PPP6R3: variants seen among roughly 807,000 people sequenced by gnomAD.
PPP6R3 encodes the protein serine/threonine-protein phosphatase 6 regulatory subunit 3.
A neutral mutation model predicts 110.7 loss-of-function variants in PPP6R3; 38 were observed. That is an observed-to-expected ratio of 0.34 (90% CI 0.26 to 0.45). The LOEUF (loss-of-function observed/expected upper bound fraction) is 0.45. Among genes scored for constraint, PPP6R3 ranks in the 20% least tolerant of loss-of-function variants. The pLI, the probability that PPP6R3 is intolerant of heterozygous loss-of-function variation, is 1.00. For missense variants in PPP6R3, 870 were observed against 1,062.4 expected (o/e 0.82, Z 2.52); for synonymous variants, 369 against 373.5 (o/e 0.99, Z 0.14).
intron 22 of PPP6R3, among the ~76,000 whole-genome samples, chr11:68,607,859 C>G (rs1371701862): frequency 6.6e-6 from 1 of 151,830 alleles, no homozygotes; most frequent in African/African-American, 2.4e-5. Flanking sequence ...CTGTAACTTC[C>G]AACTCCTGAG....
chr11:68,472,216 G>A (rs141368483), intron 1 of PPP6R3, among the ~76,000 whole-genome samples: 42 of 152,268 alleles, frequency 2.8e-4, no homozygotes, highest in Middle Eastern at 6.8e-3. Flanking sequence ...TTGGTGGGAC[G>A]TGGTGGTAAA....
chr11:68,553,011 T>C (rs1361616891), intron 6 of PPP6R3, among the ~76,000 whole-genome samples: 2 of 152,256 alleles, frequency 1.3e-5, no homozygotes, highest in Admixed American at 1.3e-4. Flanking sequence ...GTTAAAATTA[T>C]ACTGGCCAGT....
intron 1 of PPP6R3, among the ~76,000 whole-genome samples, chr11:68,469,540 ATT>A (rs376996871): frequency 9.2e-5 from 13 of 141,110 alleles, no homozygotes; most frequent in South Asian, 2.3e-4. Context: ...CACCCAGGTA[ATT>A]TTTTTTTTTT....
At chr11:68,487,439 A>ATG (rs2098955083) in intron 1 of PPP6R3, among the ~76,000 whole-genome samples, 2 of 152,046 alleles carry the variant, frequency 1.3e-5, no homozygotes, top group Non-Finnish European at 2.9e-5. Flanking sequence ...GCATGGTGGC[A>ATG]CATGCCTGTA....
intron 14 of PPP6R3, among the ~76,000 whole-genome samples, chr11:68,578,503 C>T (rs1349183328): frequency 1.3e-5 from 2 of 152,242 alleles, no homozygotes; most frequent in African/African-American, 4.8e-5. Flanking sequence ...GGCTACCTCT[C>T]TGGAAGTCAT....
chr11:68,514,312 C>T (rs1413992930), intron 1 of PPP6R3, among the ~76,000 whole-genome samples: 2 of 152,106 alleles, frequency 1.3e-5, no homozygotes, highest in Admixed American at 1.3e-4. Context: ...AGCATTCCAC[C>T]CGTCAGAGCC....
At chr11:68,534,301 G>C (rs2099257997) in intron 2 of PPP6R3, among the ~76,000 whole-genome samples, 1 of 152,210 alleles carries the variant, frequency 6.6e-6, no homozygotes, top group Non-Finnish European at 1.5e-5. Context: ...TTCTGCAAAA[G>C]ACCAAGTAGT....
intron 1 of PPP6R3, among the ~76,000 whole-genome samples, chr11:68,472,778 A>G (rs1032045565): frequency 9.2e-5 from 14 of 152,178 alleles, no homozygotes; most frequent in Non-Finnish European, 1.8e-4. Flanking sequence ...CTCAACGACA[A>G]CAAAACCACC....
chr11:68,613,574 CCGA>C lies in PPP6R3; in HGVS notation c.*459_*461del, dbSNP rs1411167180. On this transcript the variant is annotated 3_prime_UTR_variant, in exon 24 of 24. Transcript: ENST00000393800. The stretch of plus-strand genomic sequence containing the variant: ...ATTATGAATTCATTTTTCCTCCAGG[CCGA>C]CAAGGAGTTGTAGAATGAAAATGCC... 3 of 985,890 alleles carry C rather than the reference CCGA, an allele frequency of 3.0e-6. No homozygotes were observed. Among genetic ancestry groups the C allele is most frequent in the Admixed American group, 6.1e-5 (1 of 16,262 alleles). 61.1% of individuals were successfully genotyped at this position (985,890 alleles called of 1,614,324 possible).
chr11:68,547,096 A>T (rs2155729), intron 4 of PPP6R3, among the ~76,000 whole-genome samples: 3,262 of 152,234 alleles, frequency 0.021, 126 homozygotes, highest in African/African-American at 0.075. Context: ...TGGCTATTAG[A>T]CTTCATGTGG....
chr11:68,582,591 A>G (rs539312184), intron 14 of PPP6R3, among the ~76,000 whole-genome samples: 1 of 152,210 alleles, frequency 6.6e-6, no homozygotes, highest in South Asian at 2.1e-4. Context: ...TGAAATGGTT[A>G]TATTTAAACC....
intron 7 of PPP6R3, among the ~76,000 whole-genome samples, chr11:68,557,595 C>T (rs142858842): frequency 0.047 from 7,142 of 152,094 alleles, 610 homozygotes; most frequent in African/African-American, 0.16. Flanking sequence ...CTCAGCTTAC[C>T]GCAACCTCTG....
At chr11:68,608,169 A>G (rs1941366687) in intron 22 of PPP6R3, among the ~76,000 whole-genome samples, 1 of 152,216 alleles carries the variant, frequency 6.6e-6, no homozygotes, top group South Asian at 2.1e-4. Context: ...ACTGAAAAAA[A>G]CATCTGTAGT....
intron 2 of PPP6R3, among the ~76,000 whole-genome samples, chr11:68,533,274 A>G (rs1214100970): frequency 6.6e-6 from 1 of 152,164 alleles, no homozygotes; most frequent in Non-Finnish European, 1.5e-5. Context: ...TAAAATACAT[A>G]ATTTTTGTGT....
intron 8 of PPP6R3, among the ~76,000 whole-genome samples, chr11:68,560,813 C>A (rs1235168477): frequency 6.6e-6 from 1 of 151,676 alleles, no homozygotes. Flanking sequence ...TTGCTCAAGT[C>A]TCGTATAAAT....
intron 1 of PPP6R3, among the ~76,000 whole-genome samples, chr11:68,506,828 T>C (rs1488058704): frequency 1.3e-5 from 2 of 152,206 alleles, no homozygotes; most frequent in African/African-American, 4.8e-5. Flanking sequence ...TTTTTACCTT[T>C]GTACTATGGA....
chr11:68,508,953 A>G (rs182642838), intron 1 of PPP6R3, among the ~76,000 whole-genome samples: 12 of 152,272 alleles, frequency 7.9e-5, no homozygotes, highest in African/African-American at 2.6e-4. Context: ...TCTTTTTTGG[A>G]GAGAGGGCTT....
chr11:68,600,902 A>G (rs1015401223), intron 20 of PPP6R3, among the ~76,000 whole-genome samples: 8 of 152,196 alleles, frequency 5.3e-5, no homozygotes, highest in African/African-American at 1.9e-4. Context: ...GCAGGCAAAC[A>G]AAATGGATCT....
chr11:68,464,152 G>T (rs973185522), intron 1 of PPP6R3, among the ~76,000 whole-genome samples: 1 of 152,060 alleles, frequency 6.6e-6, no homozygotes, highest in Non-Finnish European at 1.5e-5. Context: ...AATTTTTTTT[G>T]AGATGAGTCT....
Sources: gnomAD v4.1 joint callset for allele counts (sites outside exome capture counted in the v4.1 genomes callset) on GRCh38, gnomAD v4.1.1 for gene constraint, MANE v1.5 for transcripts, NCBI Gene and HGNC (gene_info 2026-07-23, HGNC 2026-07-21) for gene names.